Variants in QTMAN observed in about 807,000 individuals in gnomAD.
QTMAN encodes the protein queuosine-tRNA mannosyltransferase.
chr2:144,040,024 G>A, the QTMAN span, among the ~76,000 whole-genome samples: 1 of 152,156 alleles, frequency 6.6e-6, no homozygotes, highest in South Asian at 2.1e-4. Context: ...CAGGGGCTAT[G>A]TATTCTCAGT....
At chr2:144,310,414 TTAAG>T in the QTMAN span, among the ~76,000 whole-genome samples, 52 of 152,160 alleles carry the variant, frequency 3.4e-4, no homozygotes, top group Non-Finnish European at 7.4e-5. Context: ...ACCTTTTACA[TTAAG>T]TGAGAAAGAA....
the QTMAN span, among the ~76,000 whole-genome samples, chr2:144,105,695 G>C: frequency 1.3e-5 from 2 of 152,218 alleles, no homozygotes; most frequent in Non-Finnish European, 2.9e-5. Context: ...ATATTATCCA[G>C]GAGAACTTCC....
the QTMAN span, among the ~76,000 whole-genome samples, chr2:143,979,188 T>C: frequency 4.7e-5 from 7 of 150,452 alleles, no homozygotes; most frequent in Non-Finnish European, 1.0e-4. Context: ...CCTCACTGGA[T>C]GGGCTCAGTG....
chr2:144,196,584 T>C, the QTMAN span, among the ~76,000 whole-genome samples: 3 of 152,142 alleles, frequency 2.0e-5, no homozygotes, highest in South Asian at 4.1e-4. Flanking sequence ...CAAGTGAACA[T>C]TGTTCAAATG....
chr2:143,989,155 G>A, the QTMAN span, among the ~76,000 whole-genome samples: 1 of 151,800 alleles, frequency 6.6e-6, no homozygotes, highest in Non-Finnish European at 1.5e-5. Flanking sequence ...CAACCTTGGT[G>A]TTTTTAATCC....
chr2:144,147,220 A>G, the QTMAN span, among the ~76,000 whole-genome samples: 1 of 151,688 alleles, frequency 6.6e-6, no homozygotes, highest in African/African-American at 2.4e-5. Context: ...CCCTCTTCAA[A>G]CCTACATTGC....
the QTMAN span, among the ~76,000 whole-genome samples, chr2:144,320,417 C>A: frequency 6.6e-6 from 1 of 152,162 alleles, no homozygotes; most frequent in Non-Finnish European, 1.5e-5. Flanking sequence ...TTACTTCTAT[C>A]CATTCAACTA....
At chr2:144,007,045 G>C in the QTMAN span, 1 of 582,280 alleles carries the variant, frequency 1.7e-6, no homozygotes, top group Non-Finnish European at 3.0e-6. Flanking sequence ...CACCTTGGCA[G>C]ATCATTAGTA....
At chr2:143,953,046 C>T in the QTMAN span, among the ~76,000 whole-genome samples, 26 of 151,870 alleles carry the variant, frequency 1.7e-4, no homozygotes, top group East Asian at 5.0e-3. Context: ...TAGAACAGAA[C>T]CAACAGCATA....
chr2:144,169,578 T>C, the QTMAN span, among the ~76,000 whole-genome samples: 1 of 152,174 alleles, frequency 6.6e-6, no homozygotes, highest in Non-Finnish European at 1.5e-5. Flanking sequence ...TTTATTGTTA[T>C]TCAAATGGAT....
the QTMAN span, among the ~76,000 whole-genome samples, chr2:144,189,552 C>A: frequency 6.6e-6 from 1 of 152,172 alleles, no homozygotes; most frequent in Admixed American, 6.5e-5. Flanking sequence ...TTTTATTGAG[C>A]AACCGTTGCC....
At chr2:144,058,357 G>A in the QTMAN span, among the ~76,000 whole-genome samples, 3 of 152,122 alleles carry the variant, frequency 2.0e-5, no homozygotes. Flanking sequence ...GATGAAGTGA[G>A]TTGGTTGGTA....
chr2:143,965,682 C>G, the QTMAN span, among the ~76,000 whole-genome samples: 6 of 152,142 alleles, frequency 3.9e-5, no homozygotes, highest in Admixed American at 6.5e-5. Context: ...ACCTACTAGA[C>G]GCCAGGAGCA....
the QTMAN span, among the ~76,000 whole-genome samples, chr2:144,247,911 G>A: frequency 4.6e-5 from 7 of 152,214 alleles, no homozygotes; most frequent in East Asian, 5.8e-4. Flanking sequence ...GGCTGGTCTC[G>A]CACTCTTAGG....
At chr2:144,169,756 C>T in the QTMAN span, among the ~76,000 whole-genome samples, 1 of 151,968 alleles carries the variant, frequency 6.6e-6, no homozygotes, top group Admixed American at 6.6e-5. Flanking sequence ...CCTTATATTA[C>T]TGTCCTCTCA....
chr2:144,288,876 A>G, the QTMAN span, among the ~76,000 whole-genome samples: 2 of 152,156 alleles, frequency 1.3e-5, no homozygotes, highest in African/African-American at 4.8e-5. Context: ...CTACATACAT[A>G]CAAAATATGT....
At chr2:143,960,631 A>G in the QTMAN span, among the ~76,000 whole-genome samples, 1 of 152,268 alleles carries the variant, frequency 6.6e-6, no homozygotes, top group Non-Finnish European at 1.5e-5. Flanking sequence ...CCCATAGGAT[A>G]CTTGAAGGTG....
chr2:144,067,831 T>C, the QTMAN span, among the ~76,000 whole-genome samples: 25,304 of 152,184 alleles, frequency 0.17, 4,052 homozygotes, highest in African/African-American at 0.41. Flanking sequence ...CGTTAGTATC[T>C]CAGGTTTTGA....
At chr2:144,315,971 A>G in the QTMAN span, among the ~76,000 whole-genome samples, 6 of 152,166 alleles carry the variant, frequency 3.9e-5, no homozygotes, top group Admixed American at 2.0e-4. Flanking sequence ...ATTTTGCTCT[A>G]TATCTCAAAA....
Sources: allele counts gnomAD v4.1 joint callset (sites outside exome capture counted in the v4.1 genomes callset), GRCh38; gene constraint gnomAD v4.1.1; transcripts MANE v1.5; gene names NCBI Gene and HGNC (gene_info 2026-07-23, HGNC 2026-07-21).